The following DLEU7 variants were observed in gnomAD, a reference collection of about 807,000 sequenced individuals.
DLEU7 encodes deleted in lymphocytic leukemia 7.
In DLEU7, 17 loss-of-function variants were observed where a neutral mutation model predicts 16.0. The observed-to-expected ratio is 1.06, with a 90% CI of 0.73 to 1.59. The LOEUF (loss-of-function observed/expected upper bound fraction) is 1.59. DLEU7 is among the 40% of genes most tolerant of loss of function. DLEU7 has a pLI of 0.00. For synonymous variants in DLEU7, 113 were observed against 139.8 expected, an observed-to-expected ratio of 0.81 and a Z score of 1.35; for missense variants, 308 against 314.9, an observed-to-expected ratio of 0.98 and a Z score of 0.17.
intron 1 of DLEU7, among the ~76,000 whole-genome samples, chr13:50,792,905 C>T (rs1302099609): frequency 3.3e-5 from 5 of 150,288 alleles, no homozygotes; most frequent in African/African-American, 1.2e-4. Context: ...TTAGGGTGTA[C>T]ATGCACAGTT....
At chr13:50,755,798 A>C (rs906644259) in intron 1 of DLEU7, among the ~76,000 whole-genome samples, 2 of 151,776 alleles carry the variant, frequency 1.3e-5, no homozygotes, top group African/African-American at 4.8e-5. Context: ...TTGTTTTGCC[A>C]TATTACCAGT....
At chr13:50,764,408 C>A (rs1157797389) in intron 1 of DLEU7, among the ~76,000 whole-genome samples, 1 of 152,306 alleles carries the variant, frequency 6.6e-6, no homozygotes, top group East Asian at 1.9e-4. Flanking sequence ...TTGTGTTCTT[C>A]CTCCCATTTC....
chr13:50,803,005 G>A (rs899046699), intron 1 of DLEU7, among the ~76,000 whole-genome samples: 3 of 152,008 alleles, frequency 2.0e-5, no homozygotes, highest in Admixed American at 6.6e-5. Flanking sequence ...TATTTAACCT[G>A]TTCCCTATTG....
At chr13:50,831,518 A>G (rs549563556) in intron 1 of DLEU7, among the ~76,000 whole-genome samples, 2 of 152,324 alleles carry the variant, frequency 1.3e-5, no homozygotes, top group South Asian at 4.1e-4. Flanking sequence ...TAGTCTGAAA[A>G]GAATAGAATT....
At chr13:50,781,712 A>G (rs12853170) in intron 1 of DLEU7, among the ~76,000 whole-genome samples, 31,720 of 152,184 alleles carry the variant, frequency 0.21, 3,423 homozygotes, top group Middle Eastern at 0.32. Flanking sequence ...GAAGACTCCT[A>G]TCTGTCCTTC....
intron 1 of DLEU7, among the ~76,000 whole-genome samples, chr13:50,779,717 G>A (rs1875601484): frequency 6.6e-6 from 1 of 152,136 alleles, no homozygotes; most frequent in African/African-American, 2.4e-5. Flanking sequence ...CCAGCCCCCA[G>A]GGGAGTCCTG....
rs538461321 is a variant in DLEU7, at chr13:50,775,384, G to A, written c.460-62144C>T. Among the ~76,000 whole-genome samples, 41 of 152,252 alleles carry A rather than the reference G, an allele frequency of 2.7e-4. No individual in the cohort carries two copies. In the South Asian group the frequency reaches 4.6e-3, roughly 17 times the overall value. Reference sequence around the variant, plus strand: ...TCCTGAGCCTTAAGGTATAAGTTCTGGGTTTTAATTTTAATAGTTTGAGGC... The same window carrying A: ...TCCTGAGCCTTAAGGTATAAGTTCTAGGTTTTAATTTTAATAGTTTGAGGC... On this transcript the variant is annotated intron_variant, in intron 1 of 1. Coordinates refer to the DLEU7 transcript ENST00000400393.
intron 1 of DLEU7, among the ~76,000 whole-genome samples, chr13:50,772,965 C>A (rs1000591422): frequency 6.6e-6 from 1 of 152,122 alleles, no homozygotes; most frequent in Admixed American, 6.5e-5. Flanking sequence ...TTGTTCTTTT[C>A]TTTTTACTCT....
intron 1 of DLEU7, among the ~76,000 whole-genome samples, chr13:50,717,824 A>G (rs933882275): frequency 3.3e-5 from 5 of 152,210 alleles, no homozygotes; most frequent in Admixed American, 1.3e-4. Flanking sequence ...CAATTCTGCT[A>G]TTCTGTTATA....
Position 50,814,190 on chromosome 13 carries a change from A to T in DLEU7, c.459+28998T>A, listed in dbSNP as rs1411624819. Among the ~76,000 whole-genome samples the T allele has an allele frequency of 3.9e-5, 6 of 152,274 alleles. No individual in the cohort carries two copies. The East Asian group carries it at 9.7e-4, about 25-fold the overall frequency. On this transcript the variant is annotated intron_variant, in intron 1 of 1. Coordinates refer to the DLEU7 transcript ENST00000400393. ...ACTTTGGAAAGAAGAAAGTGAAAAA[A>T]ATAGAAGTTGACTCCATGATTCCTT...
Position 50,843,541 on chromosome 13 carries a change from C to A in DLEU7, c.106G>T (p.Ala36Ser). 2 of 1,453,804 alleles carry A rather than the reference C, an allele frequency of 1.4e-6. No individual in the cohort carries two copies. The highest frequency in any genetic ancestry group is 9.0e-7 in the Non-Finnish European group (1 of 1,113,984). The allele number at this position is 1,453,804 out of a possible 1,614,324, so 90.1% of individuals were successfully genotyped here. A position where few individuals can be genotyped will look rare whatever the true frequency, so the allele number is the denominator to read the frequency against. ...QEWGWGDGPV[A>S]PGNPRDPDHV... is the part of the protein sequence containing the mutation. Reference sequence around the variant, plus strand: ...TCTGGGTCCCGCGGGTTCCCGGGGGCGACTGGACCGTCCCCCCAGCCCCAC... The same window carrying A: ...TCTGGGTCCCGCGGGTTCCCGGGGGAGACTGGACCGTCCCCCCAGCCCCAC... Residue 36 changes from alanine to serine, a missense_variant, in exon 1 of 2, where the codon GCC (alanine) becomes TCC (serine). Physicochemically the swap from Ala to Ser is moderately conservative, Grantham distance 99. Transcript: ENST00000504404. This position sits in a 1 kb window ranked among gnomAD's most constrained non-coding sequence, Gnocchi z 5.7.
chr13:50,827,696 G>T (rs1337541088), intron 1 of DLEU7, among the ~76,000 whole-genome samples: 1 of 151,708 alleles, frequency 6.6e-6, no homozygotes, highest in Admixed American at 6.6e-5. Flanking sequence ...CAAAGAAAAA[G>T]AAAAAACAGA....
At chr13:50,830,452 C>T (rs73497560) in intron 1 of DLEU7, among the ~76,000 whole-genome samples, 1,929 of 152,244 alleles carry the variant, frequency 0.013, 42 homozygotes, top group African/African-American at 0.043. Flanking sequence ...AGCAAATGTC[C>T]GTTGCAGTAT....
At chr13:50,778,143 A>G (rs1875557171) in intron 1 of DLEU7, among the ~76,000 whole-genome samples, 1 of 152,204 alleles carries the variant, frequency 6.6e-6, no homozygotes, top group African/African-American at 2.4e-5. Flanking sequence ...GTCTCAGGAA[A>G]CTTATACAAT....
intron 1 of DLEU7, among the ~76,000 whole-genome samples, chr13:50,826,586 G>A (rs1877094015): frequency 2.0e-5 from 3 of 152,074 alleles, no homozygotes; most frequent in African/African-American, 4.8e-5. Flanking sequence ...AAAGTCCAAC[G>A]AACACTTCTA....
intron 1 of DLEU7, among the ~76,000 whole-genome samples, chr13:50,752,052 C>CTTTTT (rs200928092): frequency 2.2e-5 from 3 of 135,738 alleles, no homozygotes; most frequent in Admixed American, 7.7e-5. Context: ...CTCTTTCAGT[C>CTTTTT]TTTTTTTTTT....
chr13:50,755,772 TAAAG>T (rs781129707), intron 1 of DLEU7, among the ~76,000 whole-genome samples: 1 of 152,038 alleles, frequency 6.6e-6, no homozygotes, highest in Non-Finnish European at 1.5e-5. Flanking sequence ...GGCACGGTAT[TAAAG>T]AACTTTGTAC....
chr13:50,756,160 G>T (rs1003077157), intron 1 of DLEU7, among the ~76,000 whole-genome samples: 1 of 152,184 alleles, frequency 6.6e-6, no homozygotes, highest in Non-Finnish European at 1.5e-5. Context: ...TAGCTTTTTG[G>T]TGGTTTAATG....
chr13:50,748,169 T>C (rs1414987307), intron 1 of DLEU7, among the ~76,000 whole-genome samples: 3 of 151,364 alleles, frequency 2.0e-5, no homozygotes, highest in Non-Finnish European at 4.4e-5. Context: ...CTCATATGAA[T>C]AATGATTACA....
Sources: gnomAD v4.1 joint callset for allele counts (sites outside exome capture counted in the v4.1 genomes callset) on GRCh38, gnomAD v4.1.1 for gene constraint, Gnocchi (gnomAD v3.1) non-coding constraint, MANE v1.5 for transcripts, NCBI Gene and HGNC (gene_info 2026-07-23, HGNC 2026-07-21) for gene names.